SELENOF: variants seen among roughly 807,000 people sequenced by gnomAD.
The protein encoded by SELENOF is selenoprotein F.
SELENOF carries 16 observed loss-of-function variants against 20.5 expected under a neutral mutation model. The observed-to-expected ratio is 0.78, with a 90% CI of 0.53 to 1.19. SELENOF has a LOEUF of 1.19. Ranked by LOEUF, SELENOF falls within the 50% of genes most tolerant of loss-of-function variation. The pLI is 0.00. For missense variants in SELENOF, 215 were observed against 194.2 expected (o/e 1.11, Z -0.64); for synonymous variants, 78 against 74.5 (o/e 1.05, Z -0.24).
intron 2 of SELENOF, among the ~76,000 whole-genome samples, chr1:86,883,440 GTA>G (rs1659129297): frequency 6.6e-6 from 1 of 152,006 alleles, no homozygotes; most frequent in Admixed American, 6.5e-5. Flanking sequence ...GAATTTTAGT[GTA>G]TATTTTACAC....
At chr1:86,898,378 C>A (rs1017076183) in intron 2 of SELENOF, among the ~76,000 whole-genome samples, 3 of 152,108 alleles carry the variant, frequency 2.0e-5, no homozygotes, top group African/African-American at 7.2e-5. Flanking sequence ...TAATTTCTAA[C>A]AAAAATTTTA....
Position 86,914,103 on chromosome 1 carries a change from C to A in SELENOF, c.9G>T (p.Ala3=). The change falls in exon 1 of 5, where the codon GCG becomes GCT. Residue 3 remains alanine, a synonymous_variant. Transcript: ENST00000331835. MV[A]MAAGPSGCLV... Reference sequence around the variant, plus strand: ...GACACCCACTCGGCCCAGCCGCCATCGCTACCATTTTCCGCAGGTTTCTGG... The same window carrying A: ...GACACCCACTCGGCCCAGCCGCCATAGCTACCATTTTCCGCAGGTTTCTGG... 1 of 1,614,012 alleles carries A rather than the reference C, an allele frequency of 6.2e-7. No homozygotes were observed. The highest frequency in any genetic ancestry group is 1.1e-5 in the South Asian group (1 of 91,086).
chr1:86,897,590 C>T (rs745570402), intron 2 of SELENOF, among the ~76,000 whole-genome samples: 4 of 152,160 alleles, frequency 2.6e-5, no homozygotes, highest in African/African-American at 7.2e-5. Context: ...TAGCTCTGCT[C>T]TTTACCTGAG....
intron 2 of SELENOF, among the ~76,000 whole-genome samples, chr1:86,889,845 A>G (rs1659332056): frequency 6.6e-6 from 1 of 152,190 alleles, no homozygotes. Flanking sequence ...TTTATTGCCT[A>G]AATTGATTTC....
At chr1:86,869,731 CTTT>C (rs1256141555) in intron 3 of SELENOF, among the ~76,000 whole-genome samples, 6 of 151,254 alleles carry the variant, frequency 4.0e-5, no homozygotes, top group Non-Finnish European at 5.9e-5. Flanking sequence ...TTCCTTCTTT[CTTT>C]CTTTTCTTTT....
intron 4 of SELENOF, among the ~76,000 whole-genome samples, chr1:86,866,788 C>G (rs1316499099): frequency 6.6e-6 from 1 of 152,054 alleles, no homozygotes; most frequent in Non-Finnish European, 1.5e-5. Flanking sequence ...CAACTAAAAT[C>G]CAAAACAGTA....
chr1:86,899,996 C>T (rs890215800), intron 2 of SELENOF, among the ~76,000 whole-genome samples: 6 of 150,684 alleles, frequency 4.0e-5, no homozygotes, highest in African/African-American at 9.8e-5. Context: ...GATGGGCGGC[C>T]GGGCAGAGAC....
intron 1 of SELENOF, 26 bp downstream of exon 1, chr1:86,914,002 C>T (rs1481730823): frequency 6.2e-7 from 1 of 1,601,014 alleles, no homozygotes; most frequent in Non-Finnish European, 8.6e-7. Context: ...CTCCCTGTGG[C>T]AGCTGCGAAG....
At chr1:86,879,435 T>C (rs1338082948) in intron 3 of SELENOF, among the ~76,000 whole-genome samples, 1 of 152,218 alleles carries the variant, frequency 6.6e-6, no homozygotes, top group South Asian at 2.1e-4. Flanking sequence ...TTGGGCCTCA[T>C]TAAGTATCCC....
intron 2 of SELENOF, among the ~76,000 whole-genome samples, chr1:86,899,359 C>T (rs1386536235): frequency 1.5e-5 from 2 of 132,676 alleles, no homozygotes; most frequent in African/African-American, 3.2e-5. Context: ...CCAGTAGGGG[C>T]GGCCGGGCAG....
rs12097820 is a variant in SELENOF, at chr1:86,885,458, C to G, written c.253-4733G>C. On this transcript the variant is annotated intron_variant, in intron 2 of 4. Coordinates refer to ENST00000331835, the MANE Select transcript of SELENOF (RefSeq NM_004261.5). ...ACAAAGGTGACACTTGAGAATTACACACATTTTCTGAATTTTTTAAAAAGT... is the reference window on the plus strand; with the variant it reads ...ACAAAGGTGACACTTGAGAATTACAGACATTTTCTGAATTTTTTAAAAAGT... Among the ~76,000 whole-genome samples, 893 of 152,242 alleles carry G rather than the reference C, an allele frequency of 5.9e-3. 10 individuals are homozygous for G. Among genetic ancestry groups the G allele is most frequent in the African/African-American group, 0.021 (860 of 41,556 alleles).
chr1:86,900,612 A>G (rs1056417571), intron 2 of SELENOF, among the ~76,000 whole-genome samples: 2 of 151,442 alleles, frequency 1.3e-5, no homozygotes, highest in African/African-American at 4.9e-5. Flanking sequence ...GGGGAGAGGG[A>G]GACCGTGGGG....
intron 2 of SELENOF, among the ~76,000 whole-genome samples, chr1:86,895,289 G>A (rs1180954088): frequency 6.6e-6 from 1 of 152,038 alleles, no homozygotes; most frequent in Non-Finnish European, 1.5e-5. Context: ...TTTGTCAATA[G>A]CAATTATTAT....
intron 4 of SELENOF, among the ~76,000 whole-genome samples, chr1:86,866,230 CTGTGTGTGTGTGTGTGTGTG>C (rs60714256): frequency 2.6e-5 from 3 of 113,678 alleles, no homozygotes; most frequent in East Asian, 5.5e-4. Context: ...GTGTGTGTCT[CTGTGTGTGTGTGTGTGTGTG>C]TGTGTGTGTG....
intron 3 of SELENOF, among the ~76,000 whole-genome samples, chr1:86,869,081 G>A (rs1305259209): frequency 6.6e-6 from 1 of 152,084 alleles, no homozygotes; most frequent in African/African-American, 2.4e-5. Context: ...AGATTACAAA[G>A]AATACTAAAG....
chr1:86,882,952 C>T (rs1659114299), intron 2 of SELENOF, among the ~76,000 whole-genome samples: 1 of 151,960 alleles, frequency 6.6e-6, no homozygotes, highest in Non-Finnish European at 1.5e-5. Context: ...ATGGTGAAAC[C>T]CTGTCTCTAC....
intron 1 of SELENOF, among the ~76,000 whole-genome samples, chr1:86,911,079 T>C (rs1659967760): frequency 6.6e-6 from 1 of 152,012 alleles, no homozygotes; most frequent in Non-Finnish European, 1.5e-5. Context: ...CCTTTGGGAG[T>C]GGGTAGGAGA....
intron 2 of SELENOF, among the ~76,000 whole-genome samples, chr1:86,890,869 G>A (rs1281846353): frequency 3.3e-5 from 5 of 151,886 alleles, no homozygotes; most frequent in Non-Finnish European, 7.4e-5. Context: ...AGATTAATAT[G>A]GTTGTATCTA....
Position 86,863,533 on chromosome 1 carries a change from G to A in SELENOF, c.439C>T (p.Leu147Phe), listed in dbSNP as rs754547098. 6.2e-7 allele frequency: 1 copy of A among 1,613,490 alleles called. No individual in the cohort carries two copies. The highest frequency in any genetic ancestry group is 1.1e-5 in the South Asian group (1 of 91,060). Residue 147 changes from leucine to phenylalanine, a missense_variant, in exon 5 of 5, where the codon CTC becomes TTC. By Grantham distance (22) the Leu-to-Phe change is conservative. Coordinates refer to ENST00000331835, the MANE Select transcript of SELENOF (RefSeq NM_004261.5). The stretch of plus-strand genomic sequence containing the variant: ...TCTACACTGTCTGTGTTCCATTTGA[G>A]AATGCTCAGTTCTTCAGCAATGTTC... ...NGNIAEELSILKWNTDSVEEF... is the reference protein window; with the variant it reads ...NGNIAEELSIFKWNTDSVEEF...
Sources: gnomAD v4.1 joint callset for allele counts (sites outside exome capture counted in the v4.1 genomes callset) on GRCh38, gnomAD v4.1.1 for gene constraint, MANE v1.5 for transcripts, NCBI Gene and HGNC (gene_info 2026-07-23, HGNC 2026-07-21) for gene names.